NAALADL2: variants seen among roughly 807,000 people sequenced by gnomAD.
NAALADL2 encodes the protein N-acetylated alpha-linked acidic dipeptidase like 2.
NAALADL2 carries 76 observed loss-of-function variants against 87.2 expected under a neutral mutation model. The observed-to-expected ratio is 0.87, with a 90% confidence interval of 0.72 to 1.05. The LOEUF is 1.05. Ranked by LOEUF, NAALADL2 falls within the 50% of genes least tolerant of loss-of-function variation. The probability of loss-of-function intolerance (pLI) is 0.00; values close to 1 mark genes in which losing one functional copy is unlikely to be tolerated. For synonymous variants in NAALADL2, 354 were observed against 331.0 expected, an observed-to-expected ratio of 1.07 and a Z score of -0.75; for missense variants, 1,089 against 945.8, an observed-to-expected ratio of 1.15 and a Z score of -1.99.
At chr3:175,016,989 G>T (rs1248483927) in intron 1 of NAALADL2, among the ~76,000 whole-genome samples, 2 of 151,894 alleles carry the variant, frequency 1.3e-5, no homozygotes, top group African/African-American at 4.8e-5. Flanking sequence ...TCACACTAAT[G>T]CTTTATCAAA....
At chr3:175,785,187 TG>T (rs1466893973) in intron 13 of NAALADL2, among the ~76,000 whole-genome samples, 1 of 149,974 alleles carries the variant, frequency 6.7e-6, no homozygotes, top group African/African-American at 2.5e-5. Flanking sequence ...TCTGTTGATT[TG>T]GGGTGGAGAG....
At position 174,541,244 on chromosome 3, in the gene NAALADL2, G is replaced by A. The variant is rs550842974; in HGVS notation, c.-183-9325G>A. 8.5e-4 allele frequency among the ~76,000 whole-genome samples: 130 copies of A among 152,208 alleles called. 1 individual carries two copies. The highest frequency in any genetic ancestry group is 1.4e-3 in the Non-Finnish European group (92 of 68,004). On this transcript the variant is annotated intron_variant, in intron 1 of 3. Transcript: ENST00000434257. ...TCACATTCAATTTAATTTTAATTGG[G>A]AATGAAGTGAGATATGAGTTATCAA...
chr3:175,403,374 T>C (rs774668469), intron 5 of NAALADL2, among the ~76,000 whole-genome samples: 13 of 152,098 alleles, frequency 8.5e-5, no homozygotes, highest in Non-Finnish European at 1.9e-4. Context: ...AAGAGATGCT[T>C]TTATTTGGTT....
chr3:175,057,852 C>T (rs1712550939), intron 1 of NAALADL2, among the ~76,000 whole-genome samples: 1 of 152,178 alleles, frequency 6.6e-6, no homozygotes, highest in Admixed American at 6.6e-5. Context: ...TCACAGCTGT[C>T]ACTACTACAT....
intron 5 of NAALADL2, among the ~76,000 whole-genome samples, chr3:175,412,363 G>A (rs894298549): frequency 6.6e-5 from 10 of 152,040 alleles, no homozygotes; most frequent in African/African-American, 2.4e-4. Context: ...TGGATGTTTG[G>A]GCTTTTACAA....
chr3:175,355,345 C>T (rs138529818), intron 5 of NAALADL2, among the ~76,000 whole-genome samples: 1 of 152,172 alleles, frequency 6.6e-6, no homozygotes, highest in African/African-American at 2.4e-5. Context: ...GCTGTGATTA[C>T]AGGTGTTAGA....
At chr3:175,077,246 T>C (rs994301763) in intron 1 of NAALADL2, among the ~76,000 whole-genome samples, 1 of 152,234 alleles carries the variant, frequency 6.6e-6, no homozygotes, top group African/African-American at 2.4e-5. Context: ...TTTCAAGCTT[T>C]AAATGTGTAA....
At chr3:175,006,649 A>G (rs897540849) in intron 1 of NAALADL2, among the ~76,000 whole-genome samples, 11 of 108,186 alleles carry the variant, frequency 1.0e-4, no homozygotes, top group Admixed American at 5.6e-4. Context: ...AGGAAAGCAG[A>G]AAAAAAAAAT....
intron 1 of NAALADL2, among the ~76,000 whole-genome samples, chr3:174,944,948 T>A (rs1240868500): frequency 6.6e-6 from 1 of 152,164 alleles, no homozygotes; most frequent in Admixed American, 6.5e-5. Context: ...TAGTCCTTGA[T>A]GAGTACTGGA....
At chr3:174,888,573 C>G (rs186192585) in intron 1 of NAALADL2, among the ~76,000 whole-genome samples, 361 of 152,276 alleles carry the variant, frequency 2.4e-3, no homozygotes, top group African/African-American at 8.3e-3. Flanking sequence ...GCTTTGCTTA[C>G]GTTAGAACGT....
At chr3:174,598,437 A>T (rs1307894773) in intron 2 of NAALADL2, among the ~76,000 whole-genome samples, 1 of 152,164 alleles carries the variant, frequency 6.6e-6, no homozygotes, top group Non-Finnish European at 1.5e-5. Flanking sequence ...TGATATACAC[A>T]GAACTTATTT....
At chr3:175,379,089 A>G (rs1767485977) in intron 5 of NAALADL2, among the ~76,000 whole-genome samples, 3 of 152,142 alleles carry the variant, frequency 2.0e-5, no homozygotes, top group Admixed American at 2.0e-4. Context: ...CTTTGTGATT[A>G]AGTGTGAATT....
chr3:174,875,971 T>A (rs748121721), intron 1 of NAALADL2, among the ~76,000 whole-genome samples: 9 of 151,812 alleles, frequency 5.9e-5, no homozygotes, highest in Non-Finnish European at 1.0e-4. Context: ...AAAAGATAGA[T>A]AAAAGTGAAA....
chr3:174,869,866 C>T (rs987852095), intron 1 of NAALADL2, among the ~76,000 whole-genome samples: 6 of 151,674 alleles, frequency 4.0e-5, no homozygotes, highest in East Asian at 1.9e-4. Flanking sequence ...CGTGGTGGCT[C>T]GTGCCTGTAA....
rs562221085 is a variant in NAALADL2 at position 175,252,372 on chromosome 3, C to G, written c.820-4039C>G. On this transcript the variant is annotated intron_variant, in intron 3 of 13. Transcript: ENST00000454872. ...AGTAATCTCAGATGTTACCATTGTC[C>G]ATTGTTATTATTTTGAGGCACCAGG... Among the ~76,000 whole-genome samples the G allele has an allele frequency of 9.2e-5, 14 of 152,072 alleles. No individual in the cohort carries two copies. The East Asian group carries it at 2.7e-3, about 29-fold the overall frequency.
intron 1 of NAALADL2, among the ~76,000 whole-genome samples, chr3:174,938,901 C>T (rs1417779089): frequency 1.3e-5 from 2 of 151,812 alleles, no homozygotes; most frequent in Non-Finnish European, 2.9e-5. Flanking sequence ...GTTTAAGTTC[C>T]TTATAGAAGC....
chr3:175,013,276 T>TAC (rs1345684390), intron 1 of NAALADL2, among the ~76,000 whole-genome samples: 2 of 92,378 alleles, frequency 2.2e-5, no homozygotes, highest in Non-Finnish European at 4.0e-5. Flanking sequence ...TTTATATATA[T>TAC]ACATATATAT....
At chr3:175,179,168 T>A (rs1342279835) in intron 2 of NAALADL2, among the ~76,000 whole-genome samples, 1 of 152,058 alleles carries the variant, frequency 6.6e-6, no homozygotes, top group Non-Finnish European at 1.5e-5. Context: ...ATACTTCCAT[T>A]GATAAATCTT....
chr3:174,635,816 T>G (rs1722588453), intron 2 of NAALADL2, among the ~76,000 whole-genome samples: 1 of 152,158 alleles, frequency 6.6e-6, no homozygotes, highest in African/African-American at 2.4e-5. Context: ...ATTCACATTG[T>G]TATTGTTTAC....
Sources: gnomAD v4.1 joint callset for allele counts (sites outside exome capture counted in the v4.1 genomes callset) on GRCh38, gnomAD v4.1.1 for gene constraint, MANE v1.5 for transcripts, NCBI Gene and HGNC (gene_info 2026-07-23, HGNC 2026-07-21) for gene names.